The following PDIA2 variants were observed in gnomAD, a reference collection of about 807,000 sequenced individuals.
PDIA2 encodes protein disulfide-isomerase A2.
A neutral mutation model predicts 51.1 loss-of-function variants in PDIA2; 76 were observed. The observed-to-expected ratio is 1.49, with a 90% CI of 1.24 to 1.80. PDIA2 has a LOEUF of 1.80. Ranked by LOEUF, PDIA2 falls within the 40% of genes most tolerant of loss-of-function variation. The pLI is 0.00. For synonymous variants in PDIA2, 429 were observed against 309.9 expected, an observed-to-expected ratio of 1.38 and a Z score of -4.04; for missense variants, 946 against 706.5, an observed-to-expected ratio of 1.34 and a Z score of -3.84.
At position 284,700 on chromosome 16, in the gene PDIA2, CG is replaced by C; in HGVS notation, c.451del (p.Val151TrpfsTer17). 1 of 1,580,838 alleles carries C rather than the reference CG, an allele frequency of 6.3e-7. No individual in the cohort carries two copies. Among genetic ancestry groups the C allele is most frequent in the South Asian group, 1.1e-5 (1 of 88,556 alleles). On this transcript the variant is annotated frameshift_variant, in exon 3 of 11. Coordinates refer to ENST00000219406, the MANE Select transcript of PDIA2 (RefSeq NM_006849.4). LOFTEE classifies it high-confidence loss of function. ...AEGIAEWLRRRVGPSAMRLED... is the reference protein window; with the variant it reads ...AEGIAEWLRRXVGPSAMRLED... ...GGGCATTGCCGAGTGGCTGCGACGGCGGGTGGGGCCCAGTGCCATGCGGCTG... is the reference window on the plus strand; with the variant it reads ...GGGCATTGCCGAGTGGCTGCGACGGCGGTGGGGCCCAGTGCCATGCGGCTG...
At position 286,839 on chromosome 16, in the gene PDIA2, T is replaced by C. The variant is rs897258052; in HGVS notation, c.1427T>C (p.Ile476Thr). The change falls in exon 10 of 11, where the codon ATT becomes ACT. Residue 476 changes from isoleucine to threonine, a missense_variant. Transcript: ENST00000219406. Reference sequence around the variant, plus strand: ...GATCCCCCTGCCTCTTCTCAGGTGATTGAATACAAAAGCACCAGGGACCTG... The same window carrying C: ...GATCCCCCTGCCTCTTCTCAGGTGACTGAATACAAAAGCACCAGGGACCTG... ...YFPAGPGRKV[I>T]EYKSTRDLET... 7 of 1,610,742 alleles carry C rather than the reference T, an allele frequency of 4.3e-6. No individual in the cohort carries two copies. The highest frequency in any genetic ancestry group is 1.3e-5 in the African/African-American group (1 of 74,846).
At chr16:286,526 T>G (rs45468997) in intron 8 of PDIA2, 28 bp from the exon 9 acceptor site, 1 of 1,612,306 alleles carries the variant, frequency 6.2e-7, no homozygotes, top group African/African-American at 1.3e-5. Flanking sequence ...GCTGCCCAGA[T>G]GGCTGTGCTC....
chr16:285,725 A>G (rs1247143573), intron 7 of PDIA2, 22 bp downstream of exon 7: 1 of 1,607,300 alleles, frequency 6.2e-7, no homozygotes, highest in African/African-American at 1.3e-5. Flanking sequence ...ACTGCTCATA[A>G]TGGAAGGGGA....
intron 9 of PDIA2, 48 bp downstream of exon 9, chr16:286,783 G>A (rs758436665): frequency 6.2e-7 from 1 of 1,612,164 alleles, no homozygotes; most frequent in Admixed American, 1.7e-5. Flanking sequence ...CCATCTTGCT[G>A]GGCATGGGGC....
At chr16:285,857 C>T (rs1286643356) in intron 7 of PDIA2, among the ~76,000 whole-genome samples, 154 bp downstream of exon 7, 1 of 147,198 alleles carries the variant, frequency 6.8e-6, no homozygotes, top group Non-Finnish European at 1.5e-5. Flanking sequence ...CGGCGGTTCT[C>T]CCAACCCCAA....
intron 1 of PDIA2, 109 bp downstream of exon 1, chr16:283,477 C>T: frequency 1.7e-6 from 2 of 1,202,288 alleles, no homozygotes; most frequent in Non-Finnish European, 2.2e-6. Flanking sequence ...AGAGGGGCCT[C>T]CCCGCAGGCA....
In PDIA2 at chr16:284,498, C is replaced by T. The variant is rs1037921792; in HGVS notation, c.311C>T (p.Ala104Val). Reference sequence around the variant, plus strand: ...ACGCTGGCCAAGGTGGATGGGCCCGCGCAGCGCGAGCTGGCTGAGGAGTTT... The same window carrying T: ...ACGCTGGCCAAGGTGGATGGGCCCGTGCAGCGCGAGCTGGCTGAGGAGTTT... ...VVTLAKVDGPAQRELAEEFGV... is the reference protein window; with the variant it reads ...VVTLAKVDGPVQRELAEEFGV... Residue 104 changes from alanine to valine, a missense_variant, in exon 2 of 11, where the codon GCG becomes GTG. Coordinates refer to ENST00000219406, the MANE Select transcript of PDIA2 (RefSeq NM_006849.4). 9.3e-6 allele frequency: 15 copies of T among 1,610,676 alleles called. No individual in the cohort carries two copies. The highest frequency in any genetic ancestry group is 4.5e-5 in the East Asian group (2 of 44,804).
chr16:284,158 G>C, intron 1 of PDIA2: 1 of 594,322 alleles, frequency 1.7e-6, no homozygotes, highest in Non-Finnish European at 3.0e-6. Context: ...GTGAGCCACT[G>C]AGCCTGGCTG....
rs369804507 is a variant in PDIA2, at chr16:285,599, G to A, written c.1015G>A (p.Val339Ile). 53 of 1,613,328 alleles carry A rather than the reference G, an allele frequency of 3.3e-5. No individual in the cohort carries two copies. In the African/African-American group the frequency reaches 5.9e-4, roughly 18 times the overall value. ...KAEAAPTLRL[V>I]NLETTKKYAP... Reference sequence around the variant, plus strand: ...TGAGGCAGCCCCCACTCTGCGCTTGGTCAACCTTGAAACCACTAAGAAGTA... The same window carrying A: ...TGAGGCAGCCCCCACTCTGCGCTTGATCAACCTTGAAACCACTAAGAAGTA... The change falls in exon 7 of 11, where the codon GTC becomes ATC. Residue 339 changes from valine (V) to isoleucine (I), a missense_variant. Physicochemically the swap from Val to Ile is conservative, Grantham distance 29. Transcript: ENST00000219406.
At chr16:285,794 CT>C in intron 7 of PDIA2, 91 bp downstream of exon 7, 2 of 1,418,784 alleles carry the variant, frequency 1.4e-6, no homozygotes, top group Non-Finnish European at 1.9e-6. Flanking sequence ...TCAGAGCCCC[CT>C]GCCCCTGCAG....
Position 285,203 on chromosome 16 carries a change from G to A in PDIA2, c.795+3G>A, listed in dbSNP as rs1322744997. On this transcript the variant is annotated splice_donor_region_variant and intron_variant, in intron 5 of 10. Coordinates refer to ENST00000219406, the MANE Select transcript of PDIA2 (RefSeq NM_006849.4). ...TGGTCACGGAGTTCAACAGCCAGGT[G>A]CGTAGGCTGCAGTGCCTGGGCTGGG... 4 of 1,612,900 alleles carry A rather than the reference G, an allele frequency of 2.5e-6. No individual in the cohort carries two copies. Among genetic ancestry groups the A allele is most frequent in the Non-Finnish European group, 2.5e-6 (3 of 1,179,990 alleles).
At chr16:286,073 G>GTCCCTCCCCCCACCACACCCCACAGTTC (rs2052367872) in intron 7 of PDIA2, among the ~76,000 whole-genome samples, 1 of 46,466 alleles carries the variant, frequency 2.2e-5, no homozygotes, top group Non-Finnish European at 4.8e-5. Context: ...CCCCACAGAG[G>GTCCCTCCCCCCACCACACCCCACAGTTC]TCCCTCCCCC....
chr16:285,426 T>C lies in PDIA2; in HGVS notation c.910T>C (p.Phe304Leu), dbSNP rs776873601. 1.8e-5 allele frequency: 29 copies of C among 1,608,734 alleles called. No homozygotes were observed. Among genetic ancestry groups the C allele is most frequent in the Non-Finnish European group, 2.5e-5 (29 of 1,178,168 alleles). ...GGGCTTTGGGGAGGCAGCTCCCCGC[T>C]TCCGGGGGCAGGTACTGGGGGGCTG... ...LAGFGEAAPR[F>L]RGQVLFVVVD... Residue 304 changes from phenylalanine (F) to leucine (L), a missense_variant, in exon 6 of 11, where the codon TTC becomes CTC. Coordinates refer to ENST00000219406, the MANE Select transcript of PDIA2 (RefSeq NM_006849.4).
Position 285,371 on chromosome 16 carries a change from G to C in PDIA2, c.855G>C (p.Gln285His), listed in dbSNP as rs1172340488. 3 of 1,612,790 alleles carry C rather than the reference G, an allele frequency of 1.9e-6. No homozygotes were observed. The highest frequency in any genetic ancestry group is 2.5e-6 in the Non-Finnish European group (3 of 1,179,888). ...ILNHLLLFVN[Q>H]TLAAHRELLA... ...ACCACCTGCTGCTGTTTGTCAACCA[G>C]ACGCTGGCTGCGCACCGGGAGCTCC... Residue 285 changes from glutamine (Q) to histidine (H), a missense_variant, in exon 6 of 11, where the codon CAG (glutamine) becomes CAC (histidine). Physicochemically the swap from Gln to His is conservative, Grantham distance 24. Transcript: ENST00000219406.
In PDIA2 at chr16:286,942, C is replaced by A. The variant is rs1193086412; in HGVS notation, c.1530C>A (p.Phe510Leu). ...EEPPEEPAAPFPEPPANSTMG... is the reference protein window; with the variant it reads ...EEPPEEPAAPLPEPPANSTMG... ...CCCCGGAGGAGCCAGCAGCCCCGTT[C>A]CCGGTGGGTGTCCCTAAGCCAGGGC... The change falls in exon 10 of 11, where the codon TTC (phenylalanine) becomes TTA (leucine). Residue 510 changes from phenylalanine to leucine, a missense_variant. By Grantham distance (22) the Phe-to-Leu change is conservative (BLOSUM62 0). Transcript: ENST00000219406. 2 of 1,600,316 alleles carry A rather than the reference C, an allele frequency of 1.2e-6. No individual in the cohort carries two copies. The highest frequency in any genetic ancestry group is 1.3e-5 in the African/African-American group (1 of 74,192).
At position 284,457 on chromosome 16, in the gene PDIA2, C is replaced by G; in HGVS notation, c.270C>G (p.Ala90=). The G allele has an allele frequency of 3.1e-6, 5 of 1,601,672 alleles. No homozygotes were observed. The highest frequency in any genetic ancestry group is 4.3e-6 in the Non-Finnish European group (5 of 1,175,466). ...EYSKAAAVLA[A]ESMVVTLAKV... ...GCAAGGCAGCTGCCGTGCTCGCGGC[C>G]GAGTCAATGGTGGTCACGCTGGCCA... Residue 90 remains alanine (A), a synonymous_variant, in exon 2 of 11, where the codon GCC becomes GCG. Transcript: ENST00000219406.
In PDIA2 at chr16:285,140, G is replaced by A. The variant is rs1440142475; in HGVS notation, c.735G>A (p.Gly245=). The change falls in exon 5 of 11, where the codon GGG becomes GGA. Residue 245 remains glycine, a synonymous_variant. Transcript: ENST00000219406. The part of the protein sequence containing the change: ...PVDEELGLDL[G]DLSRFLVTHS... ...ACGAGGAGCTTGGCCTGGACCTGGG[G>A]GATCTGTCGCGCTTCCTGGTCACAC... The A allele has an allele frequency of 1.6e-5, 26 of 1,613,066 alleles. No homozygotes were observed. Among genetic ancestry groups the A allele is most frequent in the Non-Finnish European group, 2.1e-5 (25 of 1,179,982 alleles).
At position 284,895 on chromosome 16, in the gene PDIA2, C is replaced by A; in HGVS notation, c.558C>A (p.Asp186Glu). ...IGFFQDLQDE[D>E]VATFLALAQD... Reference sequence around the variant, plus strand: ...CCCCTCAGGACCTGCAGGACGAGGACGTGGCCACCTTCTTGGCCTTGGCCC... The same window carrying A: ...CCCCTCAGGACCTGCAGGACGAGGAAGTGGCCACCTTCTTGGCCTTGGCCC... Residue 186 changes from aspartate (D) to glutamate (E), a missense_variant, in exon 4 of 11, where the codon GAC (aspartate) becomes GAA (glutamate). Transcript: ENST00000219406. 2.5e-6 allele frequency: 4 copies of A among 1,612,718 alleles called. No homozygotes were observed. Among genetic ancestry groups the A allele is most frequent in the South Asian group, 1.1e-5 (1 of 91,082 alleles).
intron 5 of PDIA2, 39 bp downstream of exon 5, chr16:285,239 G>A (rs1596942789): frequency 2.5e-6 from 4 of 1,612,352 alleles, no homozygotes; most frequent in African/African-American, 2.7e-5. Context: ...GGTGTCCCAG[G>A]GTAGAGTCGT....
Sources: gnomAD v4.1 joint callset for allele counts (sites outside exome capture counted in the v4.1 genomes callset) on GRCh38, gnomAD v4.1.1 for gene constraint, MANE v1.5 for transcripts, NCBI Gene and HGNC (gene_info 2026-07-23, HGNC 2026-07-21) for gene names.